The following FGF11 variants were observed in gnomAD, a reference collection of about 807,000 sequenced individuals.
FGF11 encodes fibroblast growth factor homologous factor 3.
In FGF11, 25 loss-of-function variants were observed where a neutral mutation model predicts 25.1. The observed-to-expected ratio is 1.00, with a 90% confidence interval of 0.73 to 1.39. The LOEUF is 1.39. FGF11 is among the 40% of genes most tolerant of loss of function. The probability of loss-of-function intolerance (pLI) is 0.00; values close to 1 mark genes in which losing one functional copy is unlikely to be tolerated. For synonymous variants in FGF11, 130 were observed against 128.9 expected, an observed-to-expected ratio of 1.01 and a Z score of -0.06; for missense variants, 320 against 311.0, an observed-to-expected ratio of 1.03 and a Z score of -0.22.
chr17:7,443,454 C>A lies in FGF11; in HGVS notation c.*308C>A, dbSNP rs1908443533. 6.3e-6 allele frequency: 2 copies of A among 317,320 alleles called. No homozygotes were observed. Among genetic ancestry groups the A allele is most frequent in the Non-Finnish European group, 1.2e-5 (2 of 171,988 alleles). 19.7% of individuals were successfully genotyped at this position (317,320 alleles called of 1,614,324 possible). ...TTTCCTGAGATGGCGCTGGGAGTTC[C>A]CACATGGACAGCCAGGGCATAAACA... On this transcript the variant is annotated 3_prime_UTR_variant, in exon 5 of 5. Coordinates refer to ENST00000293829, the MANE Select transcript of FGF11 (RefSeq NM_004112.4).
chr17:7,442,392 C>T, intron 3 of FGF11: 1 of 1,390,124 alleles, frequency 7.2e-7, no homozygotes, highest in South Asian at 1.5e-5. Flanking sequence ...GCATGAGCCA[C>T]TGTGCTTGGC....
intron 4 of FGF11, 95 bp downstream of exon 4, chr17:7,442,887 G>C: frequency 7.3e-7 from 1 of 1,376,920 alleles, no homozygotes; most frequent in Non-Finnish European, 1.0e-6. Context: ...CAAGTGATAA[G>C]AGGACCCTTT....
upstream of FGF11, chr17:7,439,487 C>T (rs11869879): frequency 0.3 from 191,394 of 639,572 alleles, 32,848 homozygotes; most frequent in Non-Finnish European, 0.36. Flanking sequence ...TGGGGCTTAT[C>T]CTCAGGTCCT....
chr17:7,439,452 A>T, upstream of FGF11: 1 of 380,882 alleles, frequency 2.6e-6, no homozygotes, highest in Non-Finnish European at 4.2e-6. Context: ...GCTGCTGTGG[A>T]GGGGGGTACG....
chr17:7,440,197 G>A lies in FGF11; in HGVS notation c.193+384G>A, dbSNP rs573315369. ...TTCCAGATGCCTGGGTCACCCCAAGGATTTCTGCAGCTCCAGCCGCACGCC... is the reference window on the plus strand; with the variant it reads ...TTCCAGATGCCTGGGTCACCCCAAGAATTTCTGCAGCTCCAGCCGCACGCC... On this transcript the variant is annotated intron_variant, in intron 1 of 4. Coordinates refer to ENST00000293829, the MANE Select transcript of FGF11 (RefSeq NM_004112.4). This position sits in a 1 kb window ranked among gnomAD's most constrained non-coding sequence, Gnocchi z 5.4. 35 of 177,838 alleles carry A rather than the reference G, an allele frequency of 2.0e-4. No homozygotes were observed. Among genetic ancestry groups the A allele is most frequent in the African/African-American group, 7.8e-4 (33 of 42,320 alleles). The allele number at this position is 177,838 out of a possible 1,614,324, so 11.0% of individuals were successfully genotyped here. A position where few individuals can be genotyped will look rare whatever the true frequency, so the allele number is the denominator to read the frequency against.
At position 7,441,878 on chromosome 17, in the gene FGF11, C is replaced by T. The variant is rs754455619; in HGVS notation, c.407C>T (p.Ser136Leu). The change falls in exon 3 of 5, where the codon TCG becomes TTG. Residue 136 changes from serine (S) to leucine (L), a missense_variant and splice_region_variant. Transcript: ENST00000293829. ...AATGCTGAGGGACTGCTCTACAGTT[C>T]GGTGAGACAATGAGGCTGAGTGGCC... ...AMNAEGLLYS[S>L]PHFTAECRFK... 8.2e-6 allele frequency: 13 copies of T among 1,591,688 alleles called. No homozygotes were observed. The highest frequency in any genetic ancestry group is 4.1e-5 in the African/African-American group (3 of 73,842).
At position 7,439,666 on chromosome 17, in the gene FGF11, C is replaced by T. The variant is rs868698478; in HGVS notation, c.46C>T (p.Arg16Cys). ...SSLIRQKREV[R>C]EPGGSRPVSA... The stretch of plus-strand genomic sequence containing the variant: ...CCTGATCCGGCAGAAGCGGGAGGTC[C>T]GCGAGCCCGGGGGCAGCCGGCCGGT... Residue 16 changes from arginine to cysteine, a missense_variant, in exon 1 of 5, where the codon CGC (arginine) becomes TGC (cysteine). Physicochemically the swap from Arg to Cys is radical, Grantham distance 180. Coordinates refer to ENST00000293829, the MANE Select transcript of FGF11 (RefSeq NM_004112.4). The T allele has an allele frequency of 6.6e-7, 1 of 1,522,800 alleles. No homozygotes were observed. Among genetic ancestry groups the T allele is most frequent in the East Asian group, 2.6e-5 (1 of 38,606 alleles). 94.3% of individuals were successfully genotyped at this position (1,522,800 alleles called of 1,614,324 possible).
At position 7,443,197 on chromosome 17, in the gene FGF11, CA is replaced by C; in HGVS notation, c.*52del. 8.6e-7 allele frequency: 1 copy of C among 1,162,914 alleles called. No individual in the cohort carries two copies. The highest frequency in any genetic ancestry group is 1.3e-6 in the Non-Finnish European group (1 of 785,166). 72.0% of individuals were successfully genotyped at this position (1,162,914 alleles called of 1,614,324 possible). A position where few individuals can be genotyped will look rare whatever the true frequency, so the allele number is the denominator to read the frequency against. ...CCTGCACTCCCAGTGAGCCAGCCACCACCACAACCTGTCTCCCAGTCCTGCT... is the reference window on the plus strand; with the variant it reads ...CCTGCACTCCCAGTGAGCCAGCCACCCCACAACCTGTCTCCCAGTCCTGCT... On this transcript the variant is annotated 3_prime_UTR_variant, in exon 5 of 5. Coordinates refer to ENST00000293829, the MANE Select transcript of FGF11 (RefSeq NM_004112.4).
Position 7,444,873 on chromosome 17 carries a change from A to C in FGF11, c.*1727A>C. On this transcript the variant is annotated 3_prime_UTR_variant, in exon 5 of 5. Transcript: ENST00000293829. ...ACTCAGTCTCCACCCAACTCCTGGCACTGCTCCCAGGGGATCGGGTCTCCA... is the reference window on the plus strand; with the variant it reads ...ACTCAGTCTCCACCCAACTCCTGGCCCTGCTCCCAGGGGATCGGGTCTCCA... 1.7e-6 allele frequency: 1 copy of C among 585,204 alleles called. No homozygotes were observed. The highest frequency in any genetic ancestry group is 2.8e-5 in the East Asian group (1 of 35,190). 36.3% of individuals were successfully genotyped at this position (585,204 alleles called of 1,614,324 possible). A position where few individuals can be genotyped will look rare whatever the true frequency, so the allele number is the denominator to read the frequency against.
upstream of FGF11, among the ~76,000 whole-genome samples, chr17:7,438,853 G>A (rs1334842605): frequency 6.6e-6 from 1 of 152,222 alleles, no homozygotes; most frequent in African/African-American, 2.4e-5. Context: ...TATCCACTAG[G>A]AAGGGTGGAT....
chr17:7,441,226 A>G (rs1908307260), intron 1 of FGF11: 1 of 453,718 alleles, frequency 2.2e-6, no homozygotes, highest in African/African-American at 2.0e-5. Context: ...GAATTAAGCC[A>G]TTTAAATAAA....
At position 7,439,734 on chromosome 17, in the gene FGF11, T is replaced by C; in HGVS notation, c.114T>C (p.Leu38=). 2 of 1,573,862 alleles carry C rather than the reference T, an allele frequency of 1.3e-6. No homozygotes were observed. Among genetic ancestry groups the C allele is most frequent in the Non-Finnish European group, 1.7e-6 (2 of 1,164,680 alleles). The change falls in exon 1 of 5, where the codon CTT becomes CTC. Residue 38 remains leucine (L), a synonymous_variant. Coordinates refer to ENST00000293829, the MANE Select transcript of FGF11 (RefSeq NM_004112.4). ...TGTGTCCCCGCGGCACCAAGTCCCT[T>C]TGCCAGAAGCAGCTCCTCATCCTGC... ...RRVCPRGTKS[L]CQKQLLILLS...
In FGF11 at chr17:7,441,520, C is replaced by G. The variant is rs768412913; in HGVS notation, c.243C>G (p.Phe81Leu). 1.9e-6 allele frequency: 3 copies of G among 1,614,078 alleles called. No individual in the cohort carries two copies. Among genetic ancestry groups the G allele is most frequent in the Non-Finnish European group, 2.5e-6 (3 of 1,180,032 alleles). The stretch of plus-strand genomic sequence containing the variant: ...CCAAACTGTTCTGCCGCCAGGGTTT[C>G]TACCTCCAGGCGAATCCCGACGGAA... ...IVTKLFCRQG[F>L]YLQANPDGSI... The change falls in exon 2 of 5, where the codon TTC becomes TTG. Residue 81 changes from phenylalanine (F) to leucine (L), a missense_variant. Coordinates refer to ENST00000293829, the MANE Select transcript of FGF11 (RefSeq NM_004112.4).
At chr17:7,439,280 A>C, upstream of FGF11, 1 of 229,928 alleles carries the variant, frequency 4.3e-6, no homozygotes, top group Non-Finnish European at 8.5e-6. Flanking sequence ...TTGGAAATTT[A>C]GTGGGTCTTG....
upstream of FGF11, chr17:7,439,465 AG>A (rs35567432): frequency 0.025 from 6,901 of 278,036 alleles, 1 homozygote; most frequent in African/African-American, 0.036. Flanking sequence ...GGGGTACGTG[AG>A]GGGGGGGGTC....
chr17:7,439,314 A>C, upstream of FGF11: 1 of 296,818 alleles, frequency 3.4e-6, no homozygotes, highest in Non-Finnish European at 6.2e-6. Context: ...TGAAGTGAGG[A>C]CAGACACTGG....
In FGF11 at chr17:7,441,805, C is replaced by T. The variant is rs1206968256; in HGVS notation, c.334C>T (p.Arg112Cys). 16 of 1,611,906 alleles carry T rather than the reference C, an allele frequency of 9.9e-6. No individual in the cohort carries two copies. Among genetic ancestry groups the T allele is most frequent in the Non-Finnish European group, 1.4e-5 (16 of 1,178,940 alleles). ...THFNLIPVGL[R>C]VVTIQSAKLG... is the part of the protein sequence containing the mutation. ...CTTCAACCTGATCCCTGTGGGCCTC[C>T]GTGTGGTCACCATCCAGAGCGCCAA... The change falls in exon 3 of 5, where the codon CGT becomes TGT. Residue 112 changes from arginine (R) to cysteine (C), a missense_variant. Transcript: ENST00000293829.
chr17:7,442,691 G>T lies in FGF11; in HGVS notation c.506G>T (p.Arg169Leu). Residue 169 changes from arginine to leucine, a missense_variant, in exon 4 of 5, where the codon CGG becomes CTG. Coordinates refer to ENST00000293829, the MANE Select transcript of FGF11 (RefSeq NM_004112.4). The stretch of plus-strand genomic sequence containing the variant: ...CTCTACCGCCAGCGTCGTTCTGGCC[G>T]GGCCTGGTACCTCGGCCTGGACAAG... ...SALYRQRRSG[R>L]AWYLGLDKEG... 6.2e-7 allele frequency: 1 copy of T among 1,614,178 alleles called. No individual in the cohort carries two copies. Among genetic ancestry groups the T allele is most frequent in the Non-Finnish European group, 8.5e-7 (1 of 1,180,030 alleles).
rs1908279985 is a variant in FGF11, at chr17:7,440,670, C to G, written c.194-801C>G. The G allele has an allele frequency of 2.0e-6, 2 of 985,860 alleles. No individual in the cohort carries two copies. Among genetic ancestry groups the G allele is most frequent in the East Asian group, 1.1e-4 (1 of 8,804 alleles). 61.1% of individuals were successfully genotyped at this position (985,860 alleles called of 1,614,324 possible). On this transcript the variant is annotated intron_variant, in intron 1 of 4. Coordinates refer to ENST00000293829, the MANE Select transcript of FGF11 (RefSeq NM_004112.4). The surrounding 1 kb of genome is among the most constrained non-coding windows in gnomAD (Gnocchi z 5.4). ...CTGCTCCCGCCCGCTCCCAGCTCCC[C>G]TAAGGGTAGCCACCTCGCGCCCTCC...
Sources: gnomAD v4.1 joint callset for allele counts (sites outside exome capture counted in the v4.1 genomes callset) on GRCh38, gnomAD v4.1.1 for gene constraint, Gnocchi (gnomAD v3.1) non-coding constraint, MANE v1.5 for transcripts, NCBI Gene and HGNC (gene_info 2026-07-23, HGNC 2026-07-21) for gene names.